EPHA5: variants seen among roughly 807,000 people sequenced by gnomAD.
EPHA5 encodes ephrin type-A receptor 5.
A neutral mutation model predicts 105.0 loss-of-function variants in EPHA5; 60 were observed. That is an observed-to-expected ratio of 0.57 (90% CI 0.46 to 0.71). EPHA5 has a LOEUF of 0.71. EPHA5 is among the 30% of genes least tolerant of loss of function. The pLI is 0.00. For missense variants in EPHA5, 1,218 were observed against 1,274.7 expected, an observed-to-expected ratio of 0.96 and a Z score of 0.68; for synonymous variants, 513 against 449.1, an observed-to-expected ratio of 1.14 and a Z score of -1.80.
chr4:65,595,584 T>TTA (rs5858970), intron 3 of EPHA5, among the ~76,000 whole-genome samples: 59,343 of 136,296 alleles, frequency 0.44, 13,145 homozygotes, highest in Middle Eastern at 0.61. Context: ...TCACAAGATT[T>TTA]TTTTTTTTTT....
chr4:65,597,359 A>G (rs1198325911), intron 3 of EPHA5, among the ~76,000 whole-genome samples: 3 of 152,310 alleles, frequency 2.0e-5, no homozygotes, highest in South Asian at 4.1e-4. Context: ...CTCAGCAGGC[A>G]ACATTTGATT....
intron 2 of EPHA5, among the ~76,000 whole-genome samples, chr4:65,627,456 C>A (rs946782921): frequency 1.3e-5 from 2 of 152,090 alleles, no homozygotes; most frequent in East Asian, 3.9e-4. Flanking sequence ...CATTTATTTT[C>A]TGTTTCAGAT....
chr4:65,434,432 T>C (rs1446550964), intron 5 of EPHA5, among the ~76,000 whole-genome samples: 1 of 152,152 alleles, frequency 6.6e-6, no homozygotes, highest in Non-Finnish European at 1.5e-5. Context: ...GCCAAGACGA[T>C]ATATTTCTAA....
chr4:65,533,650 G>A (rs1474873737), intron 3 of EPHA5, among the ~76,000 whole-genome samples: 1 of 151,884 alleles, frequency 6.6e-6, no homozygotes, highest in Non-Finnish European at 1.5e-5. Flanking sequence ...AAAGAGGGAT[G>A]AGGGCCGGGC....
At position 65,409,107 on chromosome 4, in the gene EPHA5, GCATATTCTCACT is replaced by G. The variant is rs1298014531; in HGVS notation, c.1688-4640_1688-4629del. Reference sequence around the variant, plus strand: ...TCACAAGAACAAAAAACCAAACACCGCATATTCTCACTCATAGGTGGGAATTGAACAATGAGA... The same window carrying G: ...TCACAAGAACAAAAAACCAAACACCGCATAGGTGGGAATTGAACAATGAGA... On this transcript the variant is annotated intron_variant, in intron 7 of 16. Transcript: ENST00000613740. Among the ~76,000 whole-genome samples the G allele has an allele frequency of 1.3e-3, 178 of 138,218 alleles. 1 individual carries two copies. The highest frequency in any genetic ancestry group is 2.3e-3 in the Non-Finnish European group (147 of 65,042). The allele number at this position is 138,218 out of a possible 152,430, so 90.7% of individuals were successfully genotyped here. A position where few individuals can be genotyped will look rare whatever the true frequency, so the allele number is the denominator to read the frequency against.
At chr4:65,330,220 T>A (rs139212911) in intron 16 of EPHA5, among the ~76,000 whole-genome samples, 96 of 151,292 alleles carry the variant, frequency 6.3e-4, no homozygotes, top group African/African-American at 2.2e-3. Flanking sequence ...ATAAAGGCAA[T>A]CTAGCAAGAG....
intron 5 of EPHA5, among the ~76,000 whole-genome samples, chr4:65,468,486 G>A (rs1470984996): frequency 7.2e-6 from 1 of 138,014 alleles, no homozygotes; most frequent in Admixed American, 7.6e-5. Flanking sequence ...ACACACATAT[G>A]GTATGTATAC....
At chr4:65,474,925 A>G (rs1729645796) in intron 5 of EPHA5, among the ~76,000 whole-genome samples, 1 of 152,230 alleles carries the variant, frequency 6.6e-6, no homozygotes, top group African/African-American at 2.4e-5. Flanking sequence ...TTAAATAGAC[A>G]TAAGAGCTGT....
At chr4:65,488,234 T>C (rs1731068262) in intron 5 of EPHA5, among the ~76,000 whole-genome samples, 1 of 152,212 alleles carries the variant, frequency 6.6e-6, no homozygotes. Flanking sequence ...AGCAAATATT[T>C]GTTGAATACA....
intron 8 of EPHA5, among the ~76,000 whole-genome samples, chr4:65,384,507 A>C (rs546270775): frequency 1.3e-5 from 2 of 151,946 alleles, no homozygotes; most frequent in East Asian, 3.9e-4. Flanking sequence ...GGATGCTCTG[A>C]TTTTAGGTAG....
At chr4:65,658,321 C>T (rs1749250778) in intron 1 of EPHA5, among the ~76,000 whole-genome samples, 1 of 152,010 alleles carries the variant, frequency 6.6e-6, no homozygotes, top group Non-Finnish European at 1.5e-5. Flanking sequence ...AAACAAAATA[C>T]TGAGAACTTT....
At chr4:65,557,935 T>G (rs1738622430) in intron 3 of EPHA5, among the ~76,000 whole-genome samples, 1 of 151,960 alleles carries the variant, frequency 6.6e-6, no homozygotes, top group Admixed American at 6.6e-5. Flanking sequence ...TGGAGTGCAG[T>G]GATCTCAGCT....
At position 65,547,949 on chromosome 4, in the gene EPHA5, C is replaced by T. The variant is rs201757051; in HGVS notation, c.911-52406G>A. On this transcript the variant is annotated intron_variant, in intron 3 of 16. Coordinates refer to ENST00000613740, the MANE Select transcript of EPHA5 (RefSeq NM_001281766.3). ...CTGAGATGATCCAAGACTACTAGTA[C>T]TATAGGTCCTGAATCAAAAGAAAAC... 1.8e-4 allele frequency among the ~76,000 whole-genome samples: 28 copies of T among 152,062 alleles called. 1 individual carries two copies. The East Asian group carries it at 4.1e-3, about 22-fold the overall frequency.
At chr4:65,625,827 C>T (rs1363920686) in intron 2 of EPHA5, among the ~76,000 whole-genome samples, 1 of 152,090 alleles carries the variant, frequency 6.6e-6, no homozygotes, top group African/African-American at 2.4e-5. Context: ...TTAAAGAATG[C>T]GCGGCCGGGC....
At chr4:65,630,774 G>A (rs1158781990) in intron 2 of EPHA5, among the ~76,000 whole-genome samples, 2 of 152,116 alleles carry the variant, frequency 1.3e-5, no homozygotes, top group Non-Finnish European at 2.9e-5. Context: ...AGGAACCAGA[G>A]AGAGAAAGCA....
At chr4:65,375,354 T>C (rs770724426) in intron 8 of EPHA5, among the ~76,000 whole-genome samples, 12 of 151,810 alleles carry the variant, frequency 7.9e-5, no homozygotes, top group Non-Finnish European at 1.6e-4. Flanking sequence ...ACTCATTGCC[T>C]TCACAATTTC....
chr4:65,553,319 G>T (rs1366713770), intron 3 of EPHA5, among the ~76,000 whole-genome samples: 1 of 152,004 alleles, frequency 6.6e-6, no homozygotes. Context: ...AACCCTGGAA[G>T]GTTGATTTAA....
At chr4:65,593,230 T>C (rs1182814410) in intron 3 of EPHA5, among the ~76,000 whole-genome samples, 2 of 152,152 alleles carry the variant, frequency 1.3e-5, no homozygotes, top group African/African-American at 4.8e-5. Flanking sequence ...TTACCATATG[T>C]ATGATAAAAG....
intron 2 of EPHA5, among the ~76,000 whole-genome samples, chr4:65,612,415 G>A (rs1442283557): frequency 2.0e-5 from 3 of 151,994 alleles, no homozygotes; most frequent in Admixed American, 6.6e-5. Flanking sequence ...TTATAAGTGG[G>A]AACATCTGGA....
Sources: gnomAD v4.1 joint callset for allele counts (sites outside exome capture counted in the v4.1 genomes callset) on GRCh38, gnomAD v4.1.1 for gene constraint, MANE v1.5 for transcripts, NCBI Gene and HGNC (gene_info 2026-07-23, HGNC 2026-07-21) for gene names.